The following IGHMBP2 variants were observed in gnomAD, a reference collection of about 807,000 sequenced individuals.
The protein encoded by IGHMBP2 is immunoglobulin mu DNA binding protein 2.
In IGHMBP2, 81 loss-of-function variants were observed where a neutral mutation model predicts 96.0. The ratio of observed to expected loss-of-function variants is 0.84; its 90% CI spans 0.71 to 1.01. The LOEUF (loss-of-function observed/expected upper bound fraction) is 1.01, where lower values mean the gene tolerates loss of function less well. IGHMBP2 is among the 50% of genes least tolerant of loss of function. The pLI, the probability that IGHMBP2 is intolerant of heterozygous loss-of-function variation, is 0.00. For synonymous variants in IGHMBP2, 557 were observed against 548.9 expected (o/e 1.01, Z -0.21); for missense variants, 1,227 against 1,306.3 (o/e 0.94, Z 0.94).
Position 68,936,690 on chromosome 11 carries a change from T to C in IGHMBP2, c.2210T>C (p.Met737Thr). ...TTCCGGGCCATGATAGTGGAGTTCA[T>C]GGCCAGCAAGAAGATGCAGTTGGAG... ...DHFRAMIVEF[M>T]ASKKMQLEFP... Residue 737 changes from methionine to threonine, a missense_variant, in exon 13 of 15, where the codon ATG becomes ACG. This residue lies in a region of IGHMBP2 where 703 missense variants were observed against 770.3 expected (regional missense o/e 0.91). Transcript: ENST00000255078. 1 of 1,614,066 alleles carries C rather than the reference T, an allele frequency of 6.2e-7. No homozygotes were observed. Among genetic ancestry groups the C allele is most frequent in the Non-Finnish European group, 8.5e-7 (1 of 1,180,048 alleles).
At position 68,929,270 on chromosome 11, in the gene IGHMBP2, C is replaced by T. The variant is rs876661217; in HGVS notation, c.1148C>T (p.Ala383Val). ...VIDECAQALE[A>V]SCWIPLLKAR... ...GACGAGTGTGCCCAGGCCCTCGAGG[C>T]GAGCTGCTGGATCCCCCTGCTGAAG... The change falls in exon 8 of 15, where the codon GCG becomes GTG. Residue 383 changes from alanine to valine, a missense_variant. Coordinates refer to ENST00000255078, the MANE Select transcript of IGHMBP2 (RefSeq NM_002180.3). 82 of 1,613,682 alleles carry T rather than the reference C, an allele frequency of 5.1e-5. No homozygotes were observed. Among genetic ancestry groups the T allele is most frequent in the Non-Finnish European group, 6.4e-5 (75 of 1,180,008 alleles).
intron 8 of IGHMBP2, among the ~76,000 whole-genome samples, 168 bp downstream of exon 8, chr11:68,929,525 TG>T (rs750648597): frequency 1.1e-3 from 171 of 152,360 alleles, no homozygotes; most frequent in Non-Finnish European, 2.1e-3. Context: ...ACGTCGCATC[TG>T]TGAGATCATG....
chr11:68,915,059 G>C lies in IGHMBP2; in HGVS notation c.912+36G>C. The C allele has an allele frequency of 2.6e-6, 4 of 1,558,290 alleles. No homozygotes were observed. The South Asian group carries it at 4.5e-5, about 17-fold the overall frequency. On this transcript the variant is annotated intron_variant, in intron 6 of 14. Coordinates refer to ENST00000255078, the MANE Select transcript of IGHMBP2 (RefSeq NM_002180.3). ...TGGCCAGTGTCCATGTGGGGCGTGG[G>C]CTTCTGATCTGCAGTCTTTTTAAGG...
intron 10 of IGHMBP2, 174 bp from the exon 11 acceptor site, chr11:68,934,290 C>A: frequency 1.5e-6 from 1 of 679,330 alleles, no homozygotes; most frequent in African/African-American, 1.8e-5. Context: ...TTCAAGTTAG[C>A]TGGGCATGGC....
chr11:68,904,122 T>C (rs1858077252), intron 1 of IGHMBP2, 84 bp downstream of exon 1: 1 of 1,177,416 alleles, frequency 8.5e-7, no homozygotes, highest in Non-Finnish European at 1.2e-6. Context: ...GGCCTCATAG[T>C]CTGGGGCGGG....
chr11:68,933,305 G>A lies in IGHMBP2; in HGVS notation c.1242G>A (p.Ala414=), dbSNP rs1168463338. 4 of 1,612,244 alleles carry A rather than the reference G, an allele frequency of 2.5e-6. No homozygotes were observed. The highest frequency in any genetic ancestry group is 1.3e-5 in the African/African-American group (1 of 75,064). Residue 414 remains alanine, a synonymous_variant, in exon 9 of 15, where the codon GCG becomes GCA. Coordinates refer to ENST00000255078, the MANE Select transcript of IGHMBP2 (RefSeq NM_002180.3). ...TTCTCCCTCCTGGGCGCAGGGCTGCGCTGGCAGGACTGTCACTCAGCCTGA... is the reference window on the plus strand; with the variant it reads ...TTCTCCCTCCTGGGCGCAGGGCTGCACTGGCAGGACTGTCACTCAGCCTGA... ...LPPTTVSHKA[A]LAGLSLSLME...
In IGHMBP2 at chr11:68,933,391, G is replaced by A. The variant is rs757304363; in HGVS notation, c.1328G>A (p.Arg443His). ...GTGCGGACACTGACGGTGCAGTACC[G>A]CATGCACCAGGCTATCATGCGCTGG... Reference protein sequence around the residue: ...RVVRTLTVQYRMHQAIMRWAS... With the variant: ...RVVRTLTVQYHMHQAIMRWAS... The change falls in exon 9 of 15, where the codon CGC becomes CAC. Residue 443 changes from arginine (R) to histidine (H), a missense_variant. This residue lies in a region of IGHMBP2 where 703 missense variants were observed against 770.3 expected (regional missense o/e 0.91). Coordinates refer to ENST00000255078, the MANE Select transcript of IGHMBP2 (RefSeq NM_002180.3). The A allele has an allele frequency of 3.1e-6, 5 of 1,612,630 alleles. No homozygotes were observed. The South Asian group carries it at 4.4e-5, about 14-fold the overall frequency.
Position 68,933,931 on chromosome 11 carries a change from TG to T in IGHMBP2, c.1537+20del. 1 of 1,523,376 alleles carries T rather than the reference TG, an allele frequency of 6.6e-7. No individual in the cohort carries two copies. Among genetic ancestry groups the T allele is most frequent in the Non-Finnish European group, 9.0e-7 (1 of 1,112,066 alleles). The allele number at this position is 1,523,376 out of a possible 1,614,324, so 94.4% of individuals were successfully genotyped here. Reference sequence around the variant, plus strand: ...GAACCCTGGTGAGCTTGCTTGCAGATGGCCAGCTTTTTTGTTTAAACATACC... The same window carrying T: ...GAACCCTGGTGAGCTTGCTTGCAGATGCCAGCTTTTTTGTTTAAACATACC... On this transcript the variant is annotated intron_variant, in intron 10 of 14. Coordinates refer to ENST00000255078, the MANE Select transcript of IGHMBP2 (RefSeq NM_002180.3).
chr11:68,905,739 CG>C (rs1000560736), intron 1 of IGHMBP2, among the ~76,000 whole-genome samples: 1 of 152,096 alleles, frequency 6.6e-6, no homozygotes, highest in Non-Finnish European at 1.5e-5. Context: ...GGATTTGAAC[CG>C]GGGCTGTGGC....
chr11:68,933,912 T>C lies in IGHMBP2; in HGVS notation c.1536T>C (p.Pro512=). 1 of 1,583,150 alleles carries C rather than the reference T, an allele frequency of 6.3e-7. No individual in the cohort carries two copies. Among genetic ancestry groups the C allele is most frequent in the Non-Finnish European group, 8.6e-7 (1 of 1,161,516 alleles). The change falls in exon 10 of 15, where the codon CCT becomes CCC. Residue 512 remains proline (P), a splice_region_variant and synonymous_variant. Coordinates refer to ENST00000255078, the MANE Select transcript of IGHMBP2 (RefSeq NM_002180.3). The part of the protein sequence containing the change: ...EEEDEQSKGN[P]GEVRLVSLHI... ...AGGACGAACAGTCGAAAGGGAACCC[T>C]GGTGAGCTTGCTTGCAGATGGCCAG... is the stretch of plus-strand genomic sequence containing the variant.
chr11:68,936,105 G>A (rs1219183775), intron 12 of IGHMBP2, 132 bp from the exon 13 acceptor site: 12 of 1,010,744 alleles, frequency 1.2e-5, no homozygotes, highest in Admixed American at 8.7e-5. Context: ...ACGCGTGGCC[G>A]GGCACCCGTG....
chr11:68,920,606 C>T (rs1313012731), intron 7 of IGHMBP2, among the ~76,000 whole-genome samples: 7 of 152,192 alleles, frequency 4.6e-5, no homozygotes, highest in African/African-American at 1.7e-4. Context: ...CCTCAGCCTC[C>T]TGAGTAGCTG....
Position 68,934,101 on chromosome 11 carries a change from C to T in IGHMBP2, c.1537+188C>T, listed in dbSNP as rs116460033. On this transcript the variant is annotated intron_variant, in intron 10 of 14. Coordinates refer to ENST00000255078, the MANE Select transcript of IGHMBP2 (RefSeq NM_002180.3). ...TTTCTCCAGGGTGAGCAGACCGCTC[C>T]TGGGTGAGATGGGCCTGGCAGCATT... 2.5e-3 allele frequency: 1,614 copies of T among 645,066 alleles called. 23 individuals are homozygous for T. The African/African-American group carries it at 0.027, about 11-fold the overall frequency. 40.0% of individuals were successfully genotyped at this position (645,066 alleles called of 1,614,324 possible). A position where few individuals can be genotyped will look rare whatever the true frequency, so the allele number is the denominator to read the frequency against.
At chr11:68,910,608 G>T (rs1409530326) in intron 4 of IGHMBP2, among the ~76,000 whole-genome samples, 1 of 152,232 alleles carries the variant, frequency 6.6e-6, no homozygotes, top group Non-Finnish European at 1.5e-5. Context: ...TCTTGGCCAG[G>T]CGCGGTGGCT....
Position 68,939,994 on chromosome 11 carries a change from G to T in IGHMBP2, c.*263G>T. 1 of 505,202 alleles carries T rather than the reference G, an allele frequency of 2.0e-6. No individual in the cohort carries two copies. The highest frequency in any genetic ancestry group is 2.5e-5 in the South Asian group (1 of 39,506). The allele number at this position is 505,202 out of a possible 1,614,324, so 31.3% of individuals were successfully genotyped here. On this transcript the variant is annotated 3_prime_UTR_variant, in exon 15 of 15. Transcript: ENST00000255078. Reference sequence around the variant, plus strand: ...TGCACGTCCCTTCCCCTTACTCCCCGCCAAAACCCACATCCCAGCCTCTGG... The same window carrying T: ...TGCACGTCCCTTCCCCTTACTCCCCTCCAAAACCCACATCCCAGCCTCTGG...
At chr11:68,915,953 C>T (rs906073883) in intron 6 of IGHMBP2, among the ~76,000 whole-genome samples, 2 of 151,760 alleles carry the variant, frequency 1.3e-5, no homozygotes, top group African/African-American at 4.8e-5. Context: ...GTGGGCGGAA[C>T]AGTTGAGGTC....
At chr11:68,920,764 G>A (rs114592860) in intron 7 of IGHMBP2, among the ~76,000 whole-genome samples, 175 of 152,122 alleles carry the variant, frequency 1.2e-3, no homozygotes, top group African/African-American at 4.1e-3. Context: ...GATTACAAGT[G>A]TAAGCCACTG....
At chr11:68,923,788 T>G (rs1025857923) in intron 7 of IGHMBP2, among the ~76,000 whole-genome samples, 1 of 152,034 alleles carries the variant, frequency 6.6e-6, no homozygotes, top group Non-Finnish European at 1.5e-5. Context: ...AGGCCTGGAG[T>G]AGTTTTCTCC....
At chr11:68,921,122 C>T (rs1175711304) in intron 7 of IGHMBP2, among the ~76,000 whole-genome samples, 1 of 150,796 alleles carries the variant, frequency 6.6e-6, no homozygotes, top group Non-Finnish European at 1.5e-5. Context: ...CAGTTTCTGC[C>T]GTTTGTTCTT....
Sources: allele counts gnomAD v4.1 joint callset (sites outside exome capture counted in the v4.1 genomes callset), GRCh38; gene constraint gnomAD v4.1.1; regional missense constraint gnomAD v4.1.1; transcripts MANE v1.5; gene names NCBI Gene and HGNC (gene_info 2026-07-23, HGNC 2026-07-21).